The following PARP9 variants were observed in gnomAD, a reference collection of about 807,000 sequenced individuals.
PARP9 encodes protein mono-ADP-ribosyltransferase PARP9.
PARP9 carries 48 observed loss-of-function variants against 68.8 expected under a neutral mutation model. The observed-to-expected ratio is 0.70, with a 90% CI of 0.55 to 0.89. The LOEUF (loss-of-function observed/expected upper bound fraction) is 0.89. Among genes scored for constraint, PARP9 ranks in the 40% least tolerant of loss-of-function variants. The probability of loss-of-function intolerance (pLI) is 0.00; values close to 1 mark genes in which losing one functional copy is unlikely to be tolerated. For missense variants in PARP9, 806 were observed against 969.3 expected (o/e 0.83, Z 2.24); for synonymous variants, 309 against 333.8 (o/e 0.93, Z 0.81).
At chr3:122,558,900 G>A (rs924992366) in intron 2 of PARP9, among the ~76,000 whole-genome samples, 4 of 152,064 alleles carry the variant, frequency 2.6e-5, no homozygotes, top group African/African-American at 7.2e-5. Context: ...TTTTAGAGAT[G>A]AGCGGAGTCT....
At chr3:122,536,892 T>C (rs755292635) in intron 9 of PARP9, 42 bp downstream of exon 9, 1 of 1,579,188 alleles carries the variant, frequency 6.3e-7, no homozygotes, top group South Asian at 1.2e-5. Flanking sequence ...ACAAGTTAAT[T>C]AACAACAAAA....
Position 122,529,234 on chromosome 3 carries a change from TAA to T in PARP9, c.2081-493_2081-492del, listed in dbSNP as rs59705545. Among the ~76,000 whole-genome samples the T allele has an allele frequency of 5.2e-3, 403 of 77,252 alleles. 1 individual carries two copies. The highest frequency in any genetic ancestry group is 0.011 in the African/African-American group (220 of 19,920). 50.7% of individuals were successfully genotyped at this position (77,252 alleles called of 152,430 possible). A position where few individuals can be genotyped will look rare whatever the true frequency, so the allele number is the denominator to read the frequency against. ...ACCTGGGCAATAAGAGCGAAACTCT[TAA>T]AAAAAAAAAAAAAAAAAAAAAAGAA... On this transcript the variant is annotated intron_variant, in intron 10 of 10. Coordinates refer to ENST00000682323, the MANE Select transcript of PARP9 (RefSeq NM_001146105.2).
intron 8 of PARP9, among the ~76,000 whole-genome samples, chr3:122,539,603 CAGGCTGGA>C (rs2078025429): frequency 6.9e-6 from 1 of 145,880 alleles, no homozygotes; most frequent in African/African-American, 2.6e-5. Context: ...TTTTGTTGCC[CAGGCTGGA>C]GTGCAATGGT....
intron 6 of PARP9, among the ~76,000 whole-genome samples, chr3:122,547,024 AC>A (rs2078778329): frequency 7.0e-6 from 1 of 142,474 alleles, no homozygotes; most frequent in African/African-American, 2.5e-5. Context: ...ACACACACAC[AC>A]ATACACACAC....
intron 6 of PARP9, among the ~76,000 whole-genome samples, chr3:122,546,562 T>C (rs1283046604): frequency 6.6e-6 from 1 of 152,232 alleles, no homozygotes; most frequent in African/African-American, 2.4e-5. Flanking sequence ...AGAAAATACA[T>C]GCTTATTAAA....
At chr3:122,557,321 T>TGAGTG (rs3052711) in intron 3 of PARP9, among the ~76,000 whole-genome samples, 81,184 of 151,474 alleles carry the variant, frequency 0.54, 22,527 homozygotes, top group East Asian at 0.79. Context: ...GACCAGCCAA[T>TGAGTG]GAGCACTGAT....
chr3:122,535,937 C>T lies in PARP9; in HGVS notation c.2080+231G>A, dbSNP rs1200186718. ...ACAGTGAACCGTAGTTCTTACTGCT[C>T]ACACTTTTCATCAATGTAAAATGCA... is the stretch of plus-strand genomic sequence containing the variant. On this transcript the variant is annotated intron_variant, in intron 10 of 10. Coordinates refer to ENST00000682323, the MANE Select transcript of PARP9 (RefSeq NM_001146105.2). The T allele has an allele frequency of 4.2e-6, 6 of 1,413,364 alleles. No individual in the cohort carries two copies. The African/African-American group carries it at 7.3e-5, about 17-fold the overall frequency. The allele number at this position is 1,413,364 out of a possible 1,614,324, so 87.6% of individuals were successfully genotyped here. A position where few individuals can be genotyped will look rare whatever the true frequency, so the allele number is the denominator to read the frequency against.
Position 122,555,327 on chromosome 3 carries a change from G to C in PARP9, c.844C>G (p.Leu282Val). The C allele has an allele frequency of 6.2e-7, 1 of 1,613,854 alleles. No homozygotes were observed. The highest frequency in any genetic ancestry group is 2.2e-5 in the East Asian group (1 of 44,884). Reference protein sequence around the residue: ...PSFNAMVVNNLTLQIVQGHIE... With the variant: ...PSFNAMVVNNVTLQIVQGHIE... ...TGGCCCTGGACAATCTGGAGGGTCAGGTTGTTCACGACCATTGCATTGAAA... is the reference window on the plus strand; with the variant it reads ...TGGCCCTGGACAATCTGGAGGGTCACGTTGTTCACGACCATTGCATTGAAA... Residue 282 changes from leucine (L) to valine (V), a missense_variant, in exon 4 of 11, where the codon CTG (leucine) becomes GTG (valine). Coordinates refer to ENST00000682323, the MANE Select transcript of PARP9 (RefSeq NM_001146105.2).
intron 6 of PARP9, among the ~76,000 whole-genome samples, chr3:122,549,608 G>A (rs1210634266): frequency 2.6e-5 from 4 of 151,880 alleles, no homozygotes; most frequent in Non-Finnish European, 5.9e-5. Context: ...TAGTAAGACT[G>A]CTTTTCTACA....
At position 122,552,472 on chromosome 3, in the gene PARP9, C is replaced by A. The variant is rs748817592; in HGVS notation, c.1053G>T (p.Leu351Phe). ...GTACATGGTATATATATTTACAGAA[C>A]AAGTTAAATCCTTTTGTGACCAGTA... is the stretch of plus-strand genomic sequence containing the variant. Reference protein sequence around the residue: ...QLVLVTKGFNLFCKYIYHVLW... With the variant: ...QLVLVTKGFNFFCKYIYHVLW... Residue 351 changes from leucine to phenylalanine, a missense_variant, in exon 5 of 11, where the codon TTG becomes TTT. Leu to Phe is a conservative substitution (Grantham distance 22, BLOSUM62 0). This residue lies in a region of PARP9 where 680 missense variants were observed against 858.8 expected (regional missense o/e 0.79). Transcript: ENST00000682323. The A allele has an allele frequency of 1.2e-6, 2 of 1,614,022 alleles. No homozygotes were observed. Among genetic ancestry groups the A allele is most frequent in the Non-Finnish European group, 8.5e-7 (1 of 1,179,980 alleles).
At chr3:122,559,267 A>C (rs532125002) in intron 2 of PARP9, among the ~76,000 whole-genome samples, 14 of 152,370 alleles carry the variant, frequency 9.2e-5, no homozygotes, top group African/African-American at 3.4e-4. Flanking sequence ...TTTCAAGTTT[A>C]GTAAGTGACT....
chr3:122,562,193 C>CTT (rs2080280861), intron 1 of PARP9, among the ~76,000 whole-genome samples: 1 of 97,646 alleles, frequency 1.0e-5, no homozygotes, highest in Admixed American at 1.1e-4. Flanking sequence ...CTTTTCTTTT[C>CTT]TTTTCTTTTC....
At chr3:122,560,536 G>A (rs1297247080) in intron 1 of PARP9, among the ~76,000 whole-genome samples, 2 of 151,970 alleles carry the variant, frequency 1.3e-5, no homozygotes, top group Admixed American at 6.6e-5. Context: ...ACAGGCGCCC[G>A]CCACCACGCC....
At chr3:122,536,076 CACA>C (rs2077616168) in intron 10 of PARP9, 89 bp downstream of exon 10, 1 of 1,601,208 alleles carries the variant, frequency 6.2e-7, no homozygotes, top group Non-Finnish European at 8.5e-7. Flanking sequence ...ATCCCTTCCC[CACA>C]ACAACAAATG....
At chr3:122,563,415 T>A (rs1221079152) in intron 1 of PARP9, among the ~76,000 whole-genome samples, 2 of 152,252 alleles carry the variant, frequency 1.3e-5, no homozygotes, top group African/African-American at 4.8e-5. Context: ...GTTTTGGATA[T>A]GTCAAGCTAA....
In PARP9 at chr3:122,529,625, G is replaced by A. The variant is rs192720300; in HGVS notation, c.2081-882C>T. 3.8e-3 allele frequency among the ~76,000 whole-genome samples: 581 copies of A among 152,038 alleles called. 7 individuals carry two copies. Among genetic ancestry groups the A allele is most frequent in the East Asian group, 0.023 (119 of 5,150 alleles). ...AAAAATTAGCCGGGCGCAGTTGGGG[G>A]CGCCTGTAGTCCCAGCTACTCCGGG... On this transcript the variant is annotated intron_variant, in intron 10 of 10. Transcript: ENST00000682323.
chr3:122,533,237 T>A (rs986328875), intron 10 of PARP9: 6 of 152,134 alleles, frequency 3.9e-5, no homozygotes, highest in African/African-American at 1.2e-4. Context: ...ATGATAATGT[T>A]TCAGCCTTAG....
At chr3:122,558,502 G>A in intron 2 of PARP9, 35 bp from the exon 3 acceptor site, 1 of 1,610,890 alleles carries the variant, frequency 6.2e-7, no homozygotes, top group Non-Finnish European at 8.5e-7. Flanking sequence ...TTAAAAAATG[G>A]AAGTGGAATG....
chr3:122,530,882 G>C (rs867837980), intron 10 of PARP9, among the ~76,000 whole-genome samples: 2 of 152,170 alleles, frequency 1.3e-5, no homozygotes, highest in Non-Finnish European at 2.9e-5. Flanking sequence ...GGGCAACACA[G>C]TGAGACCCAA....
Sources: allele counts gnomAD v4.1 joint callset (sites outside exome capture counted in the v4.1 genomes callset), GRCh38; gene constraint gnomAD v4.1.1; regional missense constraint gnomAD v4.1.1; transcripts MANE v1.5; gene names NCBI Gene and HGNC (gene_info 2026-07-23, HGNC 2026-07-21).